Variants in PTPRT observed in about 807,000 individuals in gnomAD.
PTPRT encodes receptor-type tyrosine-protein phosphatase T.
A neutral mutation model predicts 176.8 loss-of-function variants in PTPRT; 56 were observed. The observed-to-expected ratio is 0.32, with a 90% CI of 0.26 to 0.40. The LOEUF is 0.40. Ranked by LOEUF, PTPRT falls within the 10% of genes least tolerant of loss-of-function variation. The pLI is 1.00. For missense variants in PTPRT, 1,540 were observed against 1,908.2 expected, an observed-to-expected ratio of 0.81 and a Z score of 3.60; for synonymous variants, 783 against 739.0, an observed-to-expected ratio of 1.06 and a Z score of -0.96.
chr20:43,182,962 C>T (rs138189968), intron 1 of PTPRT, among the ~76,000 whole-genome samples: 1 of 152,346 alleles, frequency 6.6e-6, no homozygotes, highest in Admixed American at 6.5e-5. Context: ...GATCTATTCT[C>T]TCCCCCACAA....
chr20:42,960,643 C>T (rs1282940049), intron 1 of PTPRT, among the ~76,000 whole-genome samples: 2 of 152,110 alleles, frequency 1.3e-5, no homozygotes, highest in Non-Finnish European at 2.9e-5. Context: ...TTTCCTCTCC[C>T]CCCAGTATTG....
chr20:42,372,279 C>CTTTTTTTTTTTTTTTTTTTTTTTTT (rs10588893), intron 9 of PTPRT, among the ~76,000 whole-genome samples: 1 of 83,644 alleles, frequency 1.2e-5, no homozygotes, highest in Non-Finnish European at 2.2e-5. Flanking sequence ...TTTCTTAACT[C>CTTTTTTTTTTTTTTTTTTTTTTTTT]TTTTTTTTTT....
chr20:42,274,536 AGTGTGTGTGTGTGTGTGTGTGTGTGT>A (rs529883269), intron 13 of PTPRT, among the ~76,000 whole-genome samples: 3 of 113,338 alleles, frequency 2.6e-5, no homozygotes, highest in East Asian at 2.7e-4. Context: ...GGCCCTGTAC[AGTGTGTGTGTGTGTGTGTGTGTGTGT>A]GTGTGTGTGT....
At chr20:42,171,780 A>T (rs1400550957) in intron 16 of PTPRT, among the ~76,000 whole-genome samples, 1 of 152,170 alleles carries the variant, frequency 6.6e-6, no homozygotes, top group East Asian at 1.9e-4. Context: ...AATCAACATT[A>T]AAAAAACTGT....
chr20:42,211,326 C>G (rs1225535934), intron 15 of PTPRT, among the ~76,000 whole-genome samples: 2 of 151,026 alleles, frequency 1.3e-5, no homozygotes, highest in African/African-American at 2.4e-5. Context: ...AGCTTCTGCA[C>G]AGCAAAAGAA....
At chr20:42,414,759 A>G (rs1198340223) in intron 9 of PTPRT, among the ~76,000 whole-genome samples, 2 of 152,224 alleles carry the variant, frequency 1.3e-5, no homozygotes, top group East Asian at 3.8e-4. Flanking sequence ...AATATGAAAG[A>G]TTTTATGAAG....
intron 6 of PTPRT, among the ~76,000 whole-genome samples, chr20:42,755,488 A>C (rs186369728): frequency 5.3e-5 from 8 of 152,186 alleles, no homozygotes; most frequent in Admixed American, 5.2e-4. Flanking sequence ...AAATTATGCT[A>C]TATTAAAATT....
intron 1 of PTPRT, among the ~76,000 whole-genome samples, chr20:43,056,490 C>A (rs533082389): frequency 6.6e-6 from 1 of 152,268 alleles, no homozygotes; most frequent in East Asian, 1.9e-4. Flanking sequence ...AGATAGTGAA[C>A]CTAGATCTTC....
At chr20:42,259,410 C>A (rs149057386) in intron 13 of PTPRT, among the ~76,000 whole-genome samples, 88 of 152,302 alleles carry the variant, frequency 5.8e-4, no homozygotes, top group Admixed American at 1.4e-3. Flanking sequence ...TATTGACACA[C>A]CCCTTCTATG....
At chr20:43,134,881 T>G (rs1218539030) in intron 1 of PTPRT, among the ~76,000 whole-genome samples, 1 of 152,220 alleles carries the variant, frequency 6.6e-6, no homozygotes, top group Non-Finnish European at 1.5e-5. Flanking sequence ...CTGTTGACAT[T>G]TGGGGCCAGA....
chr20:42,741,184 G>A (rs1390180024), intron 6 of PTPRT, among the ~76,000 whole-genome samples: 1 of 152,176 alleles, frequency 6.6e-6, no homozygotes, highest in African/African-American at 2.4e-5. Flanking sequence ...GTAAGAGAGA[G>A]CTAATGATAC....
intron 16 of PTPRT, among the ~76,000 whole-genome samples, chr20:42,184,538 TTCC>T (rs367592964): frequency 0.037 from 3,900 of 106,372 alleles, 314 homozygotes; most frequent in East Asian, 0.052. Context: ...CTTCTTCCTC[TTCC>T]TCTTCTTCTT....
At chr20:42,750,683 G>C (rs187766478) in intron 6 of PTPRT, among the ~76,000 whole-genome samples, 167 of 152,194 alleles carry the variant, frequency 1.1e-3, no homozygotes, top group African/African-American at 3.8e-3. Context: ...TGAAAGATTG[G>C]TTTAAAAATC....
intron 7 of PTPRT, among the ~76,000 whole-genome samples, chr20:42,668,076 G>A (rs2075347580): frequency 6.6e-6 from 1 of 152,204 alleles, no homozygotes; most frequent in African/African-American, 2.4e-5. Context: ...TGTGTTGGAA[G>A]TGTCTGGTGG....
chr20:42,911,520 G>A (rs1162302596), intron 1 of PTPRT, among the ~76,000 whole-genome samples: 1 of 152,062 alleles, frequency 6.6e-6, no homozygotes, highest in Non-Finnish European at 1.5e-5. Context: ...TGACAGCATT[G>A]CATTTTTTGG....
chr20:42,602,029 A>G (rs180696913), intron 7 of PTPRT, among the ~76,000 whole-genome samples: 71 of 152,298 alleles, frequency 4.7e-4, no homozygotes, highest in African/African-American at 1.6e-3. Flanking sequence ...CCTTGATACC[A>G]GAAATAATAC....
chr20:42,858,193 A>C (rs1421308528), intron 2 of PTPRT, among the ~76,000 whole-genome samples: 1 of 152,244 alleles, frequency 6.6e-6, no homozygotes, highest in Non-Finnish European at 1.5e-5. Flanking sequence ...TGTTAAAAAT[A>C]AAATTACTCT....
At chr20:42,808,876 A>G (rs2077653635) in intron 2 of PTPRT, among the ~76,000 whole-genome samples, 1 of 152,154 alleles carries the variant, frequency 6.6e-6, no homozygotes, top group Admixed American at 6.5e-5. Context: ...GGCACACCTC[A>G]AAGTCTGCTG....
At chr20:42,545,601 A>G (rs926414615) in intron 7 of PTPRT, among the ~76,000 whole-genome samples, 2 of 152,208 alleles carry the variant, frequency 1.3e-5, no homozygotes, top group Non-Finnish European at 2.9e-5. Context: ...AAACTGAAAC[A>G]CAATGATTTA....
Sources: allele counts gnomAD v4.1 joint callset (sites outside exome capture counted in the v4.1 genomes callset), GRCh38; gene constraint gnomAD v4.1.1; transcripts MANE v1.5; gene names NCBI Gene and HGNC (gene_info 2026-07-23, HGNC 2026-07-21).